Variants in GLIS3 observed in about 807,000 individuals in gnomAD.
GLIS3 encodes GLIS family zinc finger 3.
GLIS3 carries 53 observed loss-of-function variants against 78.6 expected under a neutral mutation model. The ratio of observed to expected loss-of-function variants is 0.67; its 90% CI spans 0.54 to 0.85. The LOEUF (loss-of-function observed/expected upper bound fraction) is 0.85, where lower values mean the gene tolerates loss of function less well. Among genes scored for constraint, GLIS3 ranks in the 40% least tolerant of loss-of-function variants. The pLI is 0.00. For missense variants in GLIS3, 1,703 were observed against 1,231.1 expected (o/e 1.38, Z -5.74); for synonymous variants, 684 against 509.9 (o/e 1.34, Z -4.60).
chr9:4,103,413 C>A (rs10739031), intron 4 of GLIS3, among the ~76,000 whole-genome samples: 106,112 of 151,948 alleles, frequency 0.7, 39,364 homozygotes, highest in East Asian at 0.96. Flanking sequence ...AGGAGAAGCC[C>A]GGCAACTGAG....
chr9:4,243,931 T>G (rs1823562879), intron 2 of GLIS3, among the ~76,000 whole-genome samples: 1 of 152,252 alleles, frequency 6.6e-6, no homozygotes, highest in African/African-American at 2.4e-5. Flanking sequence ...TCTACATGAC[T>G]ATTCCACTTT....
At chr9:4,411,257 A>T in the GLIS3 span, among the ~76,000 whole-genome samples, 1 of 152,120 alleles carries the variant, frequency 6.6e-6, no homozygotes, top group South Asian at 2.1e-4. Flanking sequence ...ATGTGTTATA[A>T]TGACTTCTGT....
At chr9:4,306,288 T>C (rs1398211061) in intron 4 of GLIS3, among the ~76,000 whole-genome samples, 2 of 150,562 alleles carry the variant, frequency 1.3e-5, no homozygotes, top group Admixed American at 1.3e-4. Flanking sequence ...TTGCCCAGGC[T>C]GTGGGTTTTT....
At chr9:3,919,057 T>C (rs1015692174) in intron 6 of GLIS3, among the ~76,000 whole-genome samples, 1 of 152,148 alleles carries the variant, frequency 6.6e-6, no homozygotes, top group Non-Finnish European at 1.5e-5. Context: ...TGGGTCTCAG[T>C]GTAGGATCAG....
intron 4 of GLIS3, among the ~76,000 whole-genome samples, chr9:3,968,396 C>G (rs1226916224): frequency 6.6e-6 from 1 of 152,048 alleles, no homozygotes; most frequent in African/African-American, 2.4e-5. Flanking sequence ...AGTTAAGCAA[C>G]AAACAAAATT....
chr9:4,293,798 G>C (rs573128246), intron 1 of GLIS3, among the ~76,000 whole-genome samples: 1 of 152,204 alleles, frequency 6.6e-6, no homozygotes, highest in Non-Finnish European at 1.5e-5. Flanking sequence ...GACGCTATCT[G>C]CCCATCTGCA....
the GLIS3 span, among the ~76,000 whole-genome samples, chr9:4,438,559 T>G: frequency 6.6e-6 from 1 of 152,106 alleles, no homozygotes; most frequent in Non-Finnish European, 1.5e-5. Context: ...AATCTGGTGT[T>G]TTTCATTACT....
the GLIS3 span, among the ~76,000 whole-genome samples, chr9:4,408,101 A>T: frequency 1.3e-5 from 2 of 152,208 alleles, no homozygotes; most frequent in Non-Finnish European, 2.9e-5. Context: ...GCTTTTATCC[A>T]AGTCAGGCAA....
intron 2 of GLIS3, among the ~76,000 whole-genome samples, chr9:4,315,551 C>T (rs1382971259): frequency 6.6e-6 from 1 of 152,082 alleles, no homozygotes; most frequent in Non-Finnish European, 1.5e-5. Flanking sequence ...TAAACTTCAC[C>T]CTCTGCCGCC....
chr9:4,256,646 C>A (rs1824968963), intron 2 of GLIS3, among the ~76,000 whole-genome samples: 1 of 152,106 alleles, frequency 6.6e-6, no homozygotes, highest in Non-Finnish European at 1.5e-5. Flanking sequence ...AGTAAAAGGT[C>A]TACGTAACAC....
chr9:4,043,159 T>G (rs956842933), intron 4 of GLIS3, among the ~76,000 whole-genome samples: 6 of 152,154 alleles, frequency 3.9e-5, no homozygotes, highest in African/African-American at 1.4e-4. Flanking sequence ...CCAATTTAAC[T>G]CCTGCATTTT....
the GLIS3 span, among the ~76,000 whole-genome samples, chr9:4,391,644 G>T: frequency 6.6e-6 from 1 of 151,970 alleles, no homozygotes; most frequent in Admixed American, 6.6e-5. Flanking sequence ...ACCGAAATTT[G>T]GGGGAAAATT....
intron 2 of GLIS3, among the ~76,000 whole-genome samples, chr9:4,316,526 A>C (rs1817438691): frequency 6.6e-6 from 1 of 152,192 alleles, no homozygotes; most frequent in Non-Finnish European, 1.5e-5. Context: ...CACTGTGTGG[A>C]GTGTACATGT....
At chr9:4,345,416 T>C (rs372514633) in intron 2 of GLIS3, among the ~76,000 whole-genome samples, 72 of 152,364 alleles carry the variant, frequency 4.7e-4, no homozygotes, top group African/African-American at 1.5e-3. Flanking sequence ...ACATATATTT[T>C]CCATATCTGT....
chr9:4,351,823 C>A (rs753303290), upstream of GLIS3, among the ~76,000 whole-genome samples: 1 of 151,522 alleles, frequency 6.6e-6, no homozygotes, highest in African/African-American at 2.4e-5. Flanking sequence ...AAAACTGGAG[C>A]ACAAAGAAGT....
In GLIS3 at chr9:4,012,380, C is replaced by T. The variant is rs561244697; in HGVS notation, c.1711-75191G>A. Among the ~76,000 whole-genome samples the T allele has an allele frequency of 5.5e-4, 83 of 152,198 alleles. 2 individuals are homozygous for T. The South Asian group carries it at 0.016, about 30-fold the overall frequency. On this transcript the variant is annotated intron_variant, in intron 4 of 10. Coordinates refer to ENST00000381971, the MANE Select transcript of GLIS3 (RefSeq NM_001042413.2). ...GAACCAATATAGAACATCTAGCAAA[C>T]CAGATTCTTTTCGGTGATGGTTATA...
chr9:4,397,412 T>C, the GLIS3 span, among the ~76,000 whole-genome samples: 1 of 151,824 alleles, frequency 6.6e-6, no homozygotes. Context: ...CACATTATTG[T>C]TCTTTGCTTC....
intron 4 of GLIS3, among the ~76,000 whole-genome samples, chr9:4,053,024 T>C (rs933093226): frequency 1.3e-5 from 2 of 152,210 alleles, no homozygotes; most frequent in Admixed American, 6.6e-5. Context: ...CTCAGTTCAC[T>C]GCAATCTCTG....
chr9:4,177,525 A>C (rs1781663098), intron 2 of GLIS3, among the ~76,000 whole-genome samples: 1 of 152,288 alleles, frequency 6.6e-6, no homozygotes, highest in Middle Eastern at 3.4e-3. Flanking sequence ...CCTTCTCCTC[A>C]TTCACTCAAC....
Sources: gnomAD v4.1 joint callset for allele counts (sites outside exome capture counted in the v4.1 genomes callset) on GRCh38, gnomAD v4.1.1 for gene constraint, MANE v1.5 for transcripts, NCBI Gene and HGNC (gene_info 2026-07-23, HGNC 2026-07-21) for gene names.